LHFPL2: variants seen among roughly 807,000 people sequenced by gnomAD.
The protein encoded by LHFPL2 is LHFPL tetraspan subfamily member 2 protein.
Under a neutral mutation model 17.5 loss-of-function variants are expected in LHFPL2, and 7 were observed. The ratio of observed to expected loss-of-function variants is 0.40; its 90% CI spans 0.23 to 0.75. The LOEUF (loss-of-function observed/expected upper bound fraction) is 0.75. Ranked by LOEUF, LHFPL2 falls within the 30% of genes least tolerant of loss-of-function variation. The pLI, the probability that LHFPL2 is intolerant of heterozygous loss-of-function variation, is 0.37. For synonymous variants in LHFPL2, 134 were observed against 116.2 expected (o/e 1.15, Z -0.99); for missense variants, 241 against 294.8 (o/e 0.82, Z 1.34).
At chr5:78,621,171 C>A (rs1561369161) in intron 2 of LHFPL2, among the ~76,000 whole-genome samples, 1 of 152,116 alleles carries the variant, frequency 6.6e-6, no homozygotes, top group Non-Finnish European at 1.5e-5. Flanking sequence ...AAACAGAAAA[C>A]AAACCTTAAA....
At chr5:78,512,138 A>T (rs1755148615) in intron 3 of LHFPL2, among the ~76,000 whole-genome samples, 1 of 152,142 alleles carries the variant, frequency 6.6e-6, no homozygotes, top group Non-Finnish European at 1.5e-5. Flanking sequence ...AACATAGATG[A>T]CACCGTTCAG....
At chr5:78,497,147 A>G (rs1038497163) in intron 4 of LHFPL2, among the ~76,000 whole-genome samples, 2 of 152,190 alleles carry the variant, frequency 1.3e-5, no homozygotes, top group African/African-American at 2.4e-5. Context: ...AGACCTTGCT[A>G]TCATCTTTGA....
chr5:78,635,132 C>T (rs1196834329), intron 1 of LHFPL2, among the ~76,000 whole-genome samples: 1 of 152,214 alleles, frequency 6.6e-6, no homozygotes, highest in Non-Finnish European at 1.5e-5. Flanking sequence ...AATCTCCCAA[C>T]CCATCCCCAC....
At chr5:78,518,679 A>C (rs918852482) in intron 3 of LHFPL2, among the ~76,000 whole-genome samples, 1 of 152,174 alleles carries the variant, frequency 6.6e-6, no homozygotes, top group Non-Finnish European at 1.5e-5. Flanking sequence ...AGCTGGGAGG[A>C]GGTGGCCCAG....
At chr5:78,558,132 G>T (rs1291688958) in intron 3 of LHFPL2, among the ~76,000 whole-genome samples, 1 of 152,138 alleles carries the variant, frequency 6.6e-6, no homozygotes, top group Non-Finnish European at 1.5e-5. Context: ...CTTCTTTAGT[G>T]GCAAGCAGGG....
intron 2 of LHFPL2, among the ~76,000 whole-genome samples, chr5:78,616,788 G>T (rs1009051118): frequency 8.5e-5 from 13 of 152,164 alleles, no homozygotes; most frequent in African/African-American, 3.1e-4. Flanking sequence ...TGACACGCCT[G>T]ATGTCCACAG....
chr5:78,510,117 A>C lies in LHFPL2; in HGVS notation c.97T>G (p.Trp33Gly). ...CGGCTCCTCGCTTTCCCGATCAGCCAGTCTGCACTCATGAAGGCAATGAGC... is the reference window on the plus strand; with the variant it reads ...CGGCTCCTCGCTTTCCCGATCAGCCCGTCTGCACTCATGAAGGCAATGAGC... ...AELIAFMSAD[W>G]LIGKARSRGG... The change falls in exon 4 of 5, where the codon TGG (tryptophan) becomes GGG (glycine). Residue 33 changes from tryptophan to glycine, a missense_variant. Trp to Gly is a radical substitution (Grantham distance 184). Transcript: ENST00000380345. 1 of 1,613,238 alleles carries C rather than the reference A, an allele frequency of 6.2e-7. No individual in the cohort carries two copies. Among genetic ancestry groups the C allele is most frequent in the Non-Finnish European group, 8.5e-7 (1 of 1,179,554 alleles).
chr5:78,647,341 T>C (rs1745919621), intron 1 of LHFPL2, among the ~76,000 whole-genome samples: 1 of 152,204 alleles, frequency 6.6e-6, no homozygotes, highest in African/African-American at 2.4e-5. Context: ...TGATCCTCTC[T>C]TAAACCTAGC....
chr5:78,638,652 G>A (rs748830431), intron 1 of LHFPL2, among the ~76,000 whole-genome samples: 8 of 152,164 alleles, frequency 5.3e-5, no homozygotes, highest in African/African-American at 9.7e-5. Context: ...AAAGGCTGAC[G>A]CACCCTTGGT....
Position 78,487,967 on chromosome 5 carries a change from C to T in LHFPL2, c.*930G>A, listed in dbSNP as rs991003791. 1 of 152,198 alleles carries T rather than the reference C, an allele frequency of 6.6e-6. No homozygotes were observed. Among genetic ancestry groups the T allele is most frequent in the African/African-American group, 2.4e-5 (1 of 41,446 alleles). 9.4% of individuals were successfully genotyped at this position (152,198 alleles called of 1,614,324 possible). ...CCAAACTGGGAGTAAAGGTCTCCCC[C>T]CAAGTGCCGAGATTCTGGCAGGTCC... On this transcript the variant is annotated 3_prime_UTR_variant, in exon 5 of 5. Transcript: ENST00000380345.
At chr5:78,560,370 T>G (rs1007290388) in intron 3 of LHFPL2, among the ~76,000 whole-genome samples, 2 of 152,234 alleles carry the variant, frequency 1.3e-5, no homozygotes, top group East Asian at 3.8e-4. Context: ...TCTCCATATT[T>G]CTGGTACCAT....
At chr5:78,599,274 C>T (rs1049828633) in intron 2 of LHFPL2, among the ~76,000 whole-genome samples, 6 of 151,992 alleles carry the variant, frequency 3.9e-5, no homozygotes, top group Admixed American at 2.0e-4. Context: ...AGATTGAAAG[C>T]GAAGAATAAA....
intron 3 of LHFPL2, among the ~76,000 whole-genome samples, chr5:78,530,285 C>A (rs140882231): frequency 2.0e-5 from 3 of 152,034 alleles, no homozygotes; most frequent in Admixed American, 6.5e-5. Context: ...TCAAATTATA[C>A]CATTAGTATT....
chr5:78,631,889 T>C (rs1745262022), intron 2 of LHFPL2, among the ~76,000 whole-genome samples: 1 of 139,338 alleles, frequency 7.2e-6, no homozygotes, highest in African/African-American at 2.8e-5. Flanking sequence ...TGAGCCAAGA[T>C]CACGCCACTG....
intron 3 of LHFPL2, among the ~76,000 whole-genome samples, chr5:78,543,375 A>ACTC (rs1431666895): frequency 6.6e-6 from 1 of 152,152 alleles, no homozygotes; most frequent in Non-Finnish European, 1.5e-5. Context: ...TGAGACAACG[A>ACTC]ACTTCAGGTA....
chr5:78,528,409 T>C (rs981202286), intron 3 of LHFPL2, among the ~76,000 whole-genome samples: 1 of 152,204 alleles, frequency 6.6e-6, no homozygotes, highest in South Asian at 2.1e-4. Context: ...TTGTGAACTG[T>C]GTGTGCAAAG....
chr5:78,636,290 C>G (rs1421521753), intron 1 of LHFPL2, among the ~76,000 whole-genome samples: 2 of 152,184 alleles, frequency 1.3e-5, no homozygotes, highest in Non-Finnish European at 2.9e-5. Flanking sequence ...TGTGCTTACA[C>G]GTCTAATAAG....
chr5:78,596,007 T>A (rs1473521544), intron 2 of LHFPL2, among the ~76,000 whole-genome samples: 2 of 152,246 alleles, frequency 1.3e-5, no homozygotes, highest in African/African-American at 4.8e-5. Context: ...TGGATTTAAG[T>A]TAAATTTGTT....
chr5:78,584,010 CT>C (rs1743264794), intron 2 of LHFPL2, among the ~76,000 whole-genome samples: 2 of 151,800 alleles, frequency 1.3e-5, no homozygotes, highest in African/African-American at 2.4e-5. Flanking sequence ...CTAAACTTCC[CT>C]TCTCACTTCA....
Sources: allele counts gnomAD v4.1 joint callset (sites outside exome capture counted in the v4.1 genomes callset), GRCh38; gene constraint gnomAD v4.1.1; transcripts MANE v1.5; gene names NCBI Gene and HGNC (gene_info 2026-07-23, HGNC 2026-07-21).